Variants in SLC35D4 observed in about 807,000 individuals in gnomAD.
The protein encoded by SLC35D4 is UDP-N-acetylglucosamine transporter SLC35D4.
the SLC35D4 span, among the ~76,000 whole-genome samples, chr18:23,282,120 G>T: frequency 6.6e-6 from 1 of 152,202 alleles, no homozygotes; most frequent in Non-Finnish European, 1.5e-5. Flanking sequence ...AAGGGCCTCC[G>T]CGGCTCCCCG....
At chr18:23,324,076 C>T in the SLC35D4 span, among the ~76,000 whole-genome samples, 1 of 149,304 alleles carries the variant, frequency 6.7e-6, no homozygotes, top group African/African-American at 2.5e-5. Context: ...AAGTGAGACT[C>T]TGTCTCAAAA....
At chr18:23,337,439 C>A in the SLC35D4 span, among the ~76,000 whole-genome samples, 2 of 150,816 alleles carry the variant, frequency 1.3e-5, no homozygotes, top group African/African-American at 4.9e-5. Context: ...CATGCCACTG[C>A]ACTCCAGTCT....
the SLC35D4 span, among the ~76,000 whole-genome samples, chr18:23,346,070 A>C: frequency 9.2e-5 from 14 of 152,222 alleles, no homozygotes; most frequent in East Asian, 2.7e-3. Flanking sequence ...CAGGAGTTTG[A>C]AACTAGCTTG....
chr18:23,365,921 G>A, the SLC35D4 span, among the ~76,000 whole-genome samples: 1 of 152,174 alleles, frequency 6.6e-6, no homozygotes, highest in African/African-American at 2.4e-5. Flanking sequence ...AGGGTCTACT[G>A]TGTCTCTTTT....
chr18:23,367,955 A>G, the SLC35D4 span, among the ~76,000 whole-genome samples: 1 of 152,094 alleles, frequency 6.6e-6, no homozygotes, highest in Non-Finnish European at 1.5e-5. Context: ...TACTAATATA[A>G]AAAGGGTGTA....
the SLC35D4 span, chr18:23,260,236 A>G: frequency 6.6e-6 from 1 of 152,124 alleles, no homozygotes; most frequent in African/African-American, 2.4e-5. Context: ...AATTCATACC[A>G]AATGCAAATG....
the SLC35D4 span, among the ~76,000 whole-genome samples, chr18:23,407,848 G>C: frequency 1.3e-5 from 2 of 152,072 alleles, no homozygotes; most frequent in Non-Finnish European, 2.9e-5. Context: ...CTCAATATGC[G>C]TACTTTTTGA....
chr18:23,289,938 C>T, the SLC35D4 span, among the ~76,000 whole-genome samples: 1 of 152,182 alleles, frequency 6.6e-6, no homozygotes, highest in Non-Finnish European at 1.5e-5. Context: ...CCCTATCTCC[C>T]TTTGCTGACT....
At chr18:23,298,937 C>T in the SLC35D4 span, among the ~76,000 whole-genome samples, 26 of 152,202 alleles carry the variant, frequency 1.7e-4, no homozygotes, top group Non-Finnish European at 3.4e-4. Context: ...ACGGCGCCTT[C>T]GCACCTTGAA....
the SLC35D4 span, among the ~76,000 whole-genome samples, chr18:23,322,938 G>A: frequency 6.6e-6 from 1 of 152,100 alleles, no homozygotes; most frequent in Non-Finnish European, 1.5e-5. Flanking sequence ...CTTAGTAAAT[G>A]TACTCTTCTA....
chr18:23,371,339 C>A, the SLC35D4 span: 1 of 1,148,858 alleles, frequency 8.7e-7, no homozygotes, highest in Non-Finnish European at 1.2e-6. Context: ...AAGGGATCCA[C>A]TTGCCTTGGC....
chr18:23,240,999 G>C, the SLC35D4 span, among the ~76,000 whole-genome samples: 7 of 152,312 alleles, frequency 4.6e-5, no homozygotes, highest in African/African-American at 1.7e-4. Context: ...TCCAGATATA[G>C]AGCATTTCTG....
the SLC35D4 span, among the ~76,000 whole-genome samples, chr18:23,435,882 G>C: frequency 6.6e-6 from 1 of 152,042 alleles, no homozygotes; most frequent in Non-Finnish European, 1.5e-5. Flanking sequence ...TTTTAGTAGA[G>C]ATGGGGTTTC....
At chr18:23,402,765 T>C in the SLC35D4 span, among the ~76,000 whole-genome samples, 1 of 151,762 alleles carries the variant, frequency 6.6e-6, no homozygotes, top group South Asian at 2.1e-4. Context: ...GATCATGCCA[T>C]TGCACTCCAG....
At chr18:23,421,549 C>T in the SLC35D4 span, 1 of 901,814 alleles carries the variant, frequency 1.1e-6, no homozygotes. Flanking sequence ...AAGTTCAACT[C>T]TATTTACTAC....
chr18:23,344,515 G>T, the SLC35D4 span, among the ~76,000 whole-genome samples: 7 of 151,824 alleles, frequency 4.6e-5, no homozygotes, highest in Admixed American at 1.3e-4. Context: ...TCTGGATATA[G>T]TTCCTTTATC....
the SLC35D4 span, among the ~76,000 whole-genome samples, chr18:23,332,155 A>T: frequency 6.6e-6 from 1 of 151,986 alleles, no homozygotes; most frequent in Non-Finnish European, 1.5e-5. Flanking sequence ...CTGGTCTTCC[A>T]AAGCCCTGGG....
the SLC35D4 span, among the ~76,000 whole-genome samples, chr18:23,308,650 A>C: frequency 6.7e-6 from 1 of 149,536 alleles, no homozygotes; most frequent in African/African-American, 2.5e-5. Flanking sequence ...CTTCCTCCCC[A>C]CCCCTTGGCA....
chr18:23,280,684 T>G, the SLC35D4 span, among the ~76,000 whole-genome samples: 1 of 152,178 alleles, frequency 6.6e-6, no homozygotes, highest in African/African-American at 2.4e-5. Context: ...CACCACAAAA[T>G]GGAACCCGGA....
Sources: allele counts gnomAD v4.1 joint callset (sites outside exome capture counted in the v4.1 genomes callset), GRCh38; gene constraint gnomAD v4.1.1; transcripts MANE v1.5; gene names NCBI Gene and HGNC (gene_info 2026-07-23, HGNC 2026-07-21).